Variants in ULK4 observed in about 807,000 individuals in gnomAD.
ULK4 encodes the protein unc-51 like kinase 4.
ULK4 carries 133 observed loss-of-function variants against 160.6 expected under a neutral mutation model. That is an observed-to-expected ratio of 0.83 (90% CI 0.72 to 0.96). The LOEUF is 0.96. Among genes scored for constraint, ULK4 ranks in the 40% least tolerant of loss-of-function variants. ULK4 has a pLI of 0.00. For missense variants in ULK4, 1,580 were observed against 1,499.5 expected (o/e 1.05, Z -0.89); for synonymous variants, 534 against 539.8 (o/e 0.99, Z 0.15).
chr3:41,610,708 C>G (rs562279894), intron 31 of ULK4, among the ~76,000 whole-genome samples: 4 of 152,298 alleles, frequency 2.6e-5, no homozygotes, highest in African/African-American at 9.6e-5. Flanking sequence ...AATTGTCAAA[C>G]TAGTGTATTG....
intron 35 of ULK4, among the ~76,000 whole-genome samples, chr3:41,363,596 T>C (rs1575470227): frequency 2.0e-5 from 3 of 152,186 alleles, no homozygotes; most frequent in Admixed American, 2.0e-4. Flanking sequence ...TGTGTACCAC[T>C]GACAGGAAGG....
At chr3:41,518,043 A>G (rs1630957) in intron 32 of ULK4, among the ~76,000 whole-genome samples, 127,070 of 152,152 alleles carry the variant, frequency 0.84, 54,512 homozygotes, top group Non-Finnish European at 0.94. Context: ...AATCTTCTGC[A>G]TATGGTACAG....
rs373143007 is a variant in ULK4, at chr3:41,411,722, C to T, written c.3493-13458G>A. ...TGCTGTGATTAACGGCATGAGCCAC[C>T]GTGCCCAGCAACCTTTCTATTGATA... On this transcript the variant is annotated intron_variant, in intron 34 of 36. Coordinates refer to ENST00000301831, the MANE Select transcript of ULK4 (RefSeq NM_017886.4). 3.4e-4 allele frequency among the ~76,000 whole-genome samples: 52 copies of T among 152,248 alleles called. No homozygotes were observed. The South Asian group carries it at 9.7e-3, about 29-fold the overall frequency.
At chr3:41,389,091 A>C (rs1421326686) in intron 35 of ULK4, among the ~76,000 whole-genome samples, 1 of 152,052 alleles carries the variant, frequency 6.6e-6, no homozygotes, top group Non-Finnish European at 1.5e-5. Context: ...GGTCCTTCAC[A>C]TCCCTTGTAG....
intron 6 of ULK4, among the ~76,000 whole-genome samples, chr3:41,918,803 G>A (rs1472033376): frequency 3.3e-5 from 5 of 151,932 alleles, no homozygotes; most frequent in Admixed American, 2.0e-4. Context: ...GGGTTTCACC[G>A]TGTTAGCCAG....
intron 32 of ULK4, among the ~76,000 whole-genome samples, chr3:41,491,670 AAATT>A (rs1251057176): frequency 2.7e-5 from 4 of 146,394 alleles, no homozygotes; most frequent in Non-Finnish European, 6.0e-5. Context: ...TGAATCCATA[AAATT>A]AATAGGAAAA....
chr3:41,527,893 T>A (rs1021761134), intron 32 of ULK4, among the ~76,000 whole-genome samples: 1 of 152,262 alleles, frequency 6.6e-6, no homozygotes, highest in African/African-American at 2.4e-5. Context: ...AATAGTTTTA[T>A]AATATTTCCT....
At chr3:41,311,531 G>A (rs983299198) in intron 35 of ULK4, among the ~76,000 whole-genome samples, 1 of 152,138 alleles carries the variant, frequency 6.6e-6, no homozygotes, top group African/African-American at 2.4e-5. Context: ...CCTATTGTGG[G>A]ACCTTGTAAT....
chr3:41,732,080 T>G (rs1048330714), intron 22 of ULK4, among the ~76,000 whole-genome samples: 2 of 152,138 alleles, frequency 1.3e-5, no homozygotes, highest in African/African-American at 4.8e-5. Context: ...CATGATTTTT[T>G]GGGTAAGAAC....
chr3:41,659,355 T>A (rs1305686838), intron 30 of ULK4, among the ~76,000 whole-genome samples: 1 of 152,180 alleles, frequency 6.6e-6, no homozygotes, highest in Non-Finnish European at 1.5e-5. Context: ...CTGTGGTGTA[T>A]TTGTGCAATG....
At chr3:41,440,372 A>C (rs1173045349) in intron 34 of ULK4, among the ~76,000 whole-genome samples, 2 of 152,162 alleles carry the variant, frequency 1.3e-5, no homozygotes, top group African/African-American at 2.4e-5. Flanking sequence ...ATCAGAAATA[A>C]ATGTTAGATT....
At chr3:41,508,266 C>T (rs2085461310) in intron 32 of ULK4, among the ~76,000 whole-genome samples, 1 of 152,118 alleles carries the variant, frequency 6.6e-6, no homozygotes, top group Admixed American at 6.5e-5. Flanking sequence ...CCACCCCTCA[C>T]AGCAGCCACA....
intron 35 of ULK4, among the ~76,000 whole-genome samples, chr3:41,300,542 T>C (rs1250721806): frequency 2.0e-5 from 3 of 152,036 alleles, no homozygotes; most frequent in African/African-American, 4.8e-5. Flanking sequence ...AATTATTCTA[T>C]AGTTGCTAAA....
chr3:41,951,121 G>A (rs1332119562), intron 2 of ULK4, among the ~76,000 whole-genome samples: 2 of 124,656 alleles, frequency 1.6e-5, no homozygotes, highest in African/African-American at 6.0e-5. Context: ...CTCCAGCCTG[G>A]AGGACAGAGC....
At chr3:41,771,150 C>A (rs868849787) in intron 21 of ULK4, among the ~76,000 whole-genome samples, 2 of 152,140 alleles carry the variant, frequency 1.3e-5, no homozygotes, top group Non-Finnish European at 2.9e-5. Context: ...TACTCCCTTG[C>A]GTGCCTAAAT....
At chr3:41,502,741 G>A (rs1469650673) in intron 32 of ULK4, among the ~76,000 whole-genome samples, 3 of 152,072 alleles carry the variant, frequency 2.0e-5, no homozygotes, top group East Asian at 3.9e-4. Context: ...TTTTCAAAAG[G>A]CAAAACTATG....
chr3:41,836,753 T>C (rs1405269682), intron 17 of ULK4, among the ~76,000 whole-genome samples: 1 of 152,200 alleles, frequency 6.6e-6, no homozygotes, highest in Non-Finnish European at 1.5e-5. Context: ...AAAGTTGTAA[T>C]ATAATGTACG....
chr3:41,455,989 A>C (rs1395572445), intron 33 of ULK4, among the ~76,000 whole-genome samples: 1 of 152,096 alleles, frequency 6.6e-6, no homozygotes, highest in Non-Finnish European at 1.5e-5. Flanking sequence ...AGCTCACTGC[A>C]ACCTCTGCCT....
At chr3:41,430,468 T>TGCA (rs1314780066) in intron 34 of ULK4, among the ~76,000 whole-genome samples, 2 of 152,216 alleles carry the variant, frequency 1.3e-5, no homozygotes. Flanking sequence ...CTTCATGATC[T>TGCA]GCAAGGCGCC....
Sources: allele counts gnomAD v4.1 joint callset (sites outside exome capture counted in the v4.1 genomes callset), GRCh38; gene constraint gnomAD v4.1.1; transcripts MANE v1.5; gene names NCBI Gene and HGNC (gene_info 2026-07-23, HGNC 2026-07-21).